GEMIN5: variants seen among roughly 807,000 people sequenced by gnomAD.
GEMIN5 encodes gem nuclear organelle associated protein 5, also known as gem-associated protein 5.
GEMIN5 carries 124 observed loss-of-function variants against 176.9 expected under a neutral mutation model. That is an observed-to-expected ratio of 0.70 (90% confidence interval 0.61 to 0.81). GEMIN5 has a LOEUF of 0.81. GEMIN5 is among the 40% of genes least tolerant of loss of function. The pLI is 0.00. For synonymous variants in GEMIN5, 673 were observed against 665.2 expected, an observed-to-expected ratio of 1.01 and a Z score of -0.18; for missense variants, 1,843 against 1,814.6, an observed-to-expected ratio of 1.02 and a Z score of -0.28.
At chr5:154,892,049 A>T (rs1283861516) in intron 25 of GEMIN5, among the ~76,000 whole-genome samples, 1 of 152,212 alleles carries the variant, frequency 6.6e-6, no homozygotes, top group Non-Finnish European at 1.5e-5. Context: ...CTGAAAAATC[A>T]CAATGATTTA....
At chr5:154,923,212 C>G (rs998259369) in intron 9 of GEMIN5, among the ~76,000 whole-genome samples, 1 of 152,164 alleles carries the variant, frequency 6.6e-6, no homozygotes, top group South Asian at 2.1e-4. Context: ...CCCTGTCTGT[C>G]TCTACTAAAG....
intron 23 of GEMIN5, 70 bp from the exon 24 acceptor site, chr5:154,896,413 C>T (rs145700526): frequency 3.4e-4 from 492 of 1,444,946 alleles, no homozygotes; most frequent in Non-Finnish European, 4.2e-4. Context: ...AGAGCTCTCC[C>T]GTGTCCTTCA....
intron 15 of GEMIN5, among the ~76,000 whole-genome samples, chr5:154,908,108 C>A (rs531851225): frequency 6.6e-6 from 1 of 150,384 alleles, no homozygotes; most frequent in African/African-American, 2.4e-5. Context: ...GAAATTAACA[C>A]GATTCACTAC....
rs1304629187 is a variant in GEMIN5 at position 154,903,112 on chromosome 5, C to T, written c.2696G>A (p.Arg899Lys). Reference sequence around the variant, plus strand: ...ATCAATCATTCTATACAGGGTAGCCCTGTCTGTGAAAAGCCCCAGATGAAA... The same window carrying T: ...ATCAATCATTCTATACAGGGTAGCCTTGTCTGTGAAAAGCCCCAGATGAAA... ...ERFHLGLFTD[R>K]ATLYRMIDIE... Residue 899 changes from arginine (R) to lysine (K), a missense_variant, in exon 19 of 28, where the codon AGG (arginine) becomes AAG (lysine). Arg to Lys is a conservative substitution (Grantham distance 26, BLOSUM62 2). Transcript: ENST00000285873. The T allele has an allele frequency of 6.2e-7, 1 of 1,609,456 alleles. No individual in the cohort carries two copies. Among genetic ancestry groups the T allele is most frequent in the Non-Finnish European group, 8.5e-7 (1 of 1,175,852 alleles).
Position 154,891,707 on chromosome 5 carries a change from G to T in GEMIN5, c.3796C>A (p.Gln1266Lys). ...DHLRDKLGDH[Q>K]SPATPAFKSL... The stretch of plus-strand genomic sequence containing the variant: ...TTGAAAGCTGGTGTGGCAGGGGATT[G>T]ATGGTCCCCCAACTTGTCTCTTAGG... The change falls in exon 26 of 28, where the codon CAA (glutamine) becomes AAA (lysine). Residue 1266 changes from glutamine to lysine, a missense_variant. Physicochemically the swap from Gln to Lys is moderately conservative, Grantham distance 53. Coordinates refer to ENST00000285873, the MANE Select transcript of GEMIN5 (RefSeq NM_015465.5). 1 of 1,607,970 alleles carries T rather than the reference G, an allele frequency of 6.2e-7. No individual in the cohort carries two copies. The highest frequency in any genetic ancestry group is 8.5e-7 in the Non-Finnish European group (1 of 1,178,246).
chr5:154,912,853 T>TA (rs766779470), intron 14 of GEMIN5, 46 bp downstream of exon 14: 45 of 1,517,390 alleles, frequency 3.0e-5, no homozygotes, highest in South Asian at 2.0e-4. Context: ...AAGAATTTGT[T>TA]AGAGTACACA....
chr5:154,900,172 T>C (rs1157560866), intron 21 of GEMIN5, among the ~76,000 whole-genome samples: 2 of 152,188 alleles, frequency 1.3e-5, no homozygotes, highest in Non-Finnish European at 2.9e-5. Flanking sequence ...CTGATGGTGA[T>C]AGTAAGGAAT....
At chr5:154,929,907 ATAT>A (rs1394397535) in intron 5 of GEMIN5, among the ~76,000 whole-genome samples, 2 of 152,230 alleles carry the variant, frequency 1.3e-5, no homozygotes, top group African/African-American at 2.4e-5. Context: ...TGCTCATAGC[ATAT>A]TATTTAGAAT....
In GEMIN5 at chr5:154,917,015, T is replaced by A; in HGVS notation, c.1838A>T (p.Asn613Ile). 1 of 1,588,260 alleles carries A rather than the reference T, an allele frequency of 6.3e-7. No individual in the cohort carries two copies. Among genetic ancestry groups the A allele is most frequent in the Non-Finnish European group, 8.6e-7 (1 of 1,160,774 alleles). ...GSNNAVIYVH[N>I]LKTVIESSPE... ...AAAGTTACCTATGACAGTCTTCAGG[T>A]TGTGCACGTAAATGACTGCATTGTT... is the stretch of plus-strand genomic sequence containing the variant. The change falls in exon 13 of 28, where the codon AAC becomes ATC. Residue 613 changes from asparagine to isoleucine, a missense_variant. By Grantham distance (149) the Asn-to-Ile change is moderately radical. Transcript: ENST00000285873.
At chr5:154,905,017 T>C (rs913404539) in intron 17 of GEMIN5, among the ~76,000 whole-genome samples, 1 of 151,882 alleles carries the variant, frequency 6.6e-6, no homozygotes, top group African/African-American at 2.4e-5. Flanking sequence ...ACATGGTGAA[T>C]CCCCGTCTCT....
intron 1 of GEMIN5, 65 bp from the exon 2 acceptor site, chr5:154,937,250 T>C (rs1477742717): frequency 1.5e-6 from 2 of 1,317,896 alleles, no homozygotes; most frequent in African/African-American, 1.5e-5. Context: ...AGAATCATAC[T>C]GTTGTTGGAT....
chr5:154,904,915 G>C (rs755710718), intron 17 of GEMIN5, among the ~76,000 whole-genome samples: 2 of 152,208 alleles, frequency 1.3e-5, no homozygotes, highest in Non-Finnish European at 2.9e-5. Flanking sequence ...GTGGAAGTCT[G>C]GGCACAATGG....
intron 6 of GEMIN5, 23 bp downstream of exon 6, chr5:154,928,504 A>C (rs972269358): frequency 3.1e-6 from 5 of 1,612,108 alleles, no homozygotes; most frequent in Non-Finnish European, 4.2e-6. Flanking sequence ...ATATCTGAGA[A>C]AGCATGACCA....
intron 8 of GEMIN5, among the ~76,000 whole-genome samples, chr5:154,924,909 A>C (rs348757): frequency 0.83 from 126,347 of 151,624 alleles, 53,370 homozygotes; most frequent in East Asian, 0.91. Flanking sequence ...GAAAGGCGTG[A>C]ACCCGGGAGG....
At chr5:154,913,381 T>C (rs1763746171) in intron 13 of GEMIN5, among the ~76,000 whole-genome samples, 1 of 152,122 alleles carries the variant, frequency 6.6e-6, no homozygotes, top group Non-Finnish European at 1.5e-5. Context: ...CCACAAGAAG[T>C]GTTAGGTCTC....
intron 3 of GEMIN5, among the ~76,000 whole-genome samples, chr5:154,935,039 G>T (rs1361963427): frequency 6.6e-6 from 1 of 152,048 alleles, no homozygotes; most frequent in Non-Finnish European, 1.5e-5. Context: ...ATCCCCTCTT[G>T]ACTTTTCAGC....
At chr5:154,892,858 G>A (rs1441924666) in intron 24 of GEMIN5, among the ~76,000 whole-genome samples, 1 of 152,154 alleles carries the variant, frequency 6.6e-6, no homozygotes, top group Non-Finnish European at 1.5e-5. Context: ...CAGCACTTTG[G>A]GAGGCCAAGG....
At position 154,928,508 on chromosome 5, in the gene GEMIN5, A is replaced by C; in HGVS notation, c.914+19T>G. The C allele has an allele frequency of 6.2e-7, 1 of 1,612,878 alleles. No homozygotes were observed. Among genetic ancestry groups the C allele is most frequent in the Non-Finnish European group, 8.5e-7 (1 of 1,179,276 alleles). On this transcript the variant is annotated intron_variant, in intron 6 of 27. Coordinates refer to ENST00000285873, the MANE Select transcript of GEMIN5 (RefSeq NM_015465.5). ...AAAAACAAAATATATCTGAGAAAGC[A>C]TGACCAAAAAAGACTTACCCAAAAC...
chr5:154,920,885 G>A (rs1440139699), intron 10 of GEMIN5, among the ~76,000 whole-genome samples: 2 of 152,122 alleles, frequency 1.3e-5, no homozygotes, highest in Non-Finnish European at 2.9e-5. Context: ...GCTAGAAGAG[G>A]GAAAGGAGCA....
Sources: allele counts gnomAD v4.1 joint callset (sites outside exome capture counted in the v4.1 genomes callset), GRCh38; gene constraint gnomAD v4.1.1; transcripts MANE v1.5; gene names NCBI Gene and HGNC (gene_info 2026-07-23, HGNC 2026-07-21).